The following ACTR3 variants were observed in gnomAD, a reference collection of about 807,000 sequenced individuals.
The protein encoded by ACTR3 is actin-related protein 3.
In ACTR3, 12 loss-of-function variants were observed where a neutral mutation model predicts 56.8. That is an observed-to-expected ratio of 0.21 (90% CI 0.14 to 0.34). ACTR3 has a LOEUF of 0.34. Among genes scored for constraint, ACTR3 ranks in the 10% least tolerant of loss-of-function variants. The probability of loss-of-function intolerance (pLI) is 1.00; values close to 1 mark genes in which losing one functional copy is unlikely to be tolerated. For missense variants in ACTR3, 282 were observed against 512.5 expected (o/e 0.55, Z 4.34); for synonymous variants, 162 against 167.4 (o/e 0.97, Z 0.25).
Position 113,890,669 on chromosome 2 carries a change from A to C in ACTR3, c.44+346A>C, listed in dbSNP as rs10208933. 1.1e-4 allele frequency: 134 copies of C among 1,182,696 alleles called. No homozygotes were observed. The African/African-American group carries it at 1.9e-3, about 17-fold the overall frequency. The allele number at this position is 1,182,696 out of a possible 1,614,324, so 73.3% of individuals were successfully genotyped here. A position where few individuals can be genotyped will look rare whatever the true frequency, so the allele number is the denominator to read the frequency against. On this transcript the variant is annotated intron_variant, in intron 1 of 11. Transcript: ENST00000263238. ...TGGGGGTGGTCCCCGGGCCCGACCCATCCGGCTTTCCTTTCCCTCCGCGCC... is the reference window on the plus strand; with the variant it reads ...TGGGGGTGGTCCCCGGGCCCGACCCCTCCGGCTTTCCTTTCCCTCCGCGCC...
chr2:113,938,506 G>C (rs1679868275), intron 6 of ACTR3, among the ~76,000 whole-genome samples: 1 of 152,152 alleles, frequency 6.6e-6, no homozygotes, highest in African/African-American at 2.4e-5. Flanking sequence ...TATTAAGCAG[G>C]TCCGTAACAG....
intron 1 of ACTR3, among the ~76,000 whole-genome samples, chr2:113,895,059 T>TCCCCCCCCCCCCC (rs61667793): frequency 1.5e-4 from 17 of 111,366 alleles, no homozygotes; most frequent in African/African-American, 3.4e-4. Context: ...TGGTTTAGGT[T>TCCCCCCCCCCCCC]CCCCCCCCCC....
chr2:113,890,083 G>GCCTT (rs1678853777), upstream of ACTR3: 1 of 640,300 alleles, frequency 1.6e-6, no homozygotes, highest in Non-Finnish European at 2.8e-6. Context: ...CTGCCTGCCT[G>GCCTT]CCTGGGTTGC....
chr2:113,943,423 G>A (rs1321805464), intron 8 of ACTR3, among the ~76,000 whole-genome samples: 1 of 152,174 alleles, frequency 6.6e-6, no homozygotes, highest in East Asian at 1.9e-4. Flanking sequence ...TTATGCAAGG[G>A]AGTTAGCTAG....
At chr2:113,928,261 C>G (rs1239882076) in intron 4 of ACTR3, among the ~76,000 whole-genome samples, 1 of 152,162 alleles carries the variant, frequency 6.6e-6, no homozygotes, top group African/African-American at 2.4e-5. Flanking sequence ...GACACTCATA[C>G]ACCCACAATC....
intron 8 of ACTR3, 131 bp downstream of exon 8, chr2:113,942,490 A>T: frequency 1.6e-6 from 1 of 628,546 alleles, no homozygotes; most frequent in Non-Finnish European, 2.4e-6. Flanking sequence ...AAAGTTTATA[A>T]AACATTTTAT....
At chr2:113,948,749 A>G (rs535668213) in intron 8 of ACTR3, among the ~76,000 whole-genome samples, 4 of 152,090 alleles carry the variant, frequency 2.6e-5, no homozygotes, top group African/African-American at 7.2e-5. Flanking sequence ...TTCACCTCCA[A>G]ACTCTCTTCA....
chr2:113,933,698 G>A (rs1024947678), intron 5 of ACTR3, among the ~76,000 whole-genome samples: 1 of 41,648 alleles, frequency 2.4e-5, no homozygotes, highest in Non-Finnish European at 3.9e-5. Flanking sequence ...TTTTTTTTTT[G>A]AGATGGAGTC....
intron 1 of ACTR3, chr2:113,890,898 C>T: frequency 2.0e-6 from 1 of 500,618 alleles, no homozygotes; most frequent in Non-Finnish European, 2.6e-6. Flanking sequence ...CCCACCTTCT[C>T]CTTTCGACTC....
chr2:113,931,343 G>T lies in ACTR3; in HGVS notation c.379G>T (p.Ala127Ser), dbSNP rs1679719990. The change falls in exon 5 of 12, where the codon GCT becomes TCT. Residue 127 changes from alanine (A) to serine (S), a missense_variant. By Grantham distance (99) the Ala-to-Ser change is moderately conservative. Coordinates refer to ENST00000263238, the MANE Select transcript of ACTR3 (RefSeq NM_005721.5). The part of the protein sequence containing the change: ...LNTPENREYT[A>S]EIMFESFNVP... ...TACTCCAGAAAACAGGGAATATACT[G>T]CTGAAATAATGTTTGAGTCCTTCAA... 1 of 1,598,084 alleles carries T rather than the reference G, an allele frequency of 6.3e-7. No individual in the cohort carries two copies. Among genetic ancestry groups the T allele is most frequent in the South Asian group, 1.1e-5 (1 of 88,038 alleles).
intron 1 of ACTR3, among the ~76,000 whole-genome samples, chr2:113,894,996 C>G (rs1242486903): frequency 6.6e-6 from 1 of 151,906 alleles, no homozygotes; most frequent in African/African-American, 2.4e-5. Context: ...AAAATCTCAG[C>G]CTTATGAATT....
intron 8 of ACTR3, 77 bp downstream of exon 8, chr2:113,942,436 C>A: frequency 9.8e-7 from 1 of 1,024,256 alleles, no homozygotes; most frequent in Non-Finnish European, 1.3e-6. Flanking sequence ...GAGAATTAAT[C>A]TCAGAAACTT....
intron 3 of ACTR3, among the ~76,000 whole-genome samples, chr2:113,924,274 A>ACGTTTGTAGAGACAACGTCT (rs1679576242): frequency 6.6e-6 from 1 of 150,976 alleles, no homozygotes; most frequent in Admixed American, 6.6e-5. Flanking sequence ...ACAGGGTCTC[A>ACGTTTGTAGAGACAACGTCT]CTACGTTGCC....
chr2:113,923,708 C>G (rs1400853782), intron 3 of ACTR3, among the ~76,000 whole-genome samples: 1 of 149,592 alleles, frequency 6.7e-6, no homozygotes, highest in Non-Finnish European at 1.5e-5. Context: ...ACGTTGGTTT[C>G]TCTAGGCACT....
At chr2:113,922,645 G>T (rs970537317) in intron 3 of ACTR3, among the ~76,000 whole-genome samples, 7 of 151,958 alleles carry the variant, frequency 4.6e-5, no homozygotes, top group Non-Finnish European at 8.8e-5. Flanking sequence ...TTAGTCTTTA[G>T]CACCCTAGTG....
intron 4 of ACTR3, 28 bp downstream of exon 4, chr2:113,927,483 G>A: frequency 6.9e-7 from 1 of 1,456,120 alleles, no homozygotes; most frequent in Admixed American, 2.0e-5. Flanking sequence ...ATTTCACTGA[G>A]GAAATTTTTG....
chr2:113,907,976 C>CT (rs1491511408), intron 1 of ACTR3, among the ~76,000 whole-genome samples: 1 of 69,078 alleles, frequency 1.4e-5, no homozygotes. Context: ...CTCTGTCCCC[C>CT]AAAAAAAAAA....
Position 113,960,851 on chromosome 2 carries a change from C to G in ACTR3, c.*3396C>G, listed in dbSNP as rs1680312730. The G allele has an allele frequency of 6.6e-6, 1 of 151,980 alleles. No homozygotes were observed. The highest frequency in any genetic ancestry group is 2.1e-4 in the South Asian group (1 of 4,828). 9.4% of individuals were successfully genotyped at this position (151,980 alleles called of 1,614,324 possible). ...ATAAATAATCCAAAATCTGTGCAGACTCTGGGAGCAAAATGTTCTACTCAG... is the reference window on the plus strand; with the variant it reads ...ATAAATAATCCAAAATCTGTGCAGAGTCTGGGAGCAAAATGTTCTACTCAG... On this transcript the variant is annotated 3_prime_UTR_variant, in exon 12 of 12. Transcript: ENST00000263238.
intron 1 of ACTR3, among the ~76,000 whole-genome samples, chr2:113,906,431 A>G (rs1356342345): frequency 6.6e-6 from 1 of 152,106 alleles, no homozygotes; most frequent in Non-Finnish European, 1.5e-5. Flanking sequence ...TTGCCTTTCC[A>G]CTGTTGATAG....
Sources: allele counts gnomAD v4.1 joint callset (sites outside exome capture counted in the v4.1 genomes callset), GRCh38; gene constraint gnomAD v4.1.1; transcripts MANE v1.5; gene names NCBI Gene and HGNC (gene_info 2026-07-23, HGNC 2026-07-21).